EPHB1: variants seen among roughly 807,000 people sequenced by gnomAD.
EPHB1 encodes ephrin type-B receptor 1.
A neutral mutation model predicts 94.4 loss-of-function variants in EPHB1; 30 were observed. That is an observed-to-expected ratio of 0.32 (90% CI 0.24 to 0.43). EPHB1 has a LOEUF of 0.43. Among genes scored for constraint, EPHB1 ranks in the 20% least tolerant of loss-of-function variants. The probability of loss-of-function intolerance (pLI) is 1.00; values close to 1 mark genes in which losing one functional copy is unlikely to be tolerated. For synonymous variants in EPHB1, 522 were observed against 489.1 expected (o/e 1.07, Z -0.89); for missense variants, 1,055 against 1,308.3 (o/e 0.81, Z 2.99).
At chr3:135,021,083 T>C (rs3889902) in intron 3 of EPHB1, among the ~76,000 whole-genome samples, 37,917 of 152,152 alleles carry the variant, frequency 0.25, 6,342 homozygotes, top group East Asian at 0.71. Context: ...TTCTAACAGT[T>C]GTAAACTAAG....
At chr3:134,826,761 C>T (rs376116756) in intron 1 of EPHB1, among the ~76,000 whole-genome samples, 54 of 152,120 alleles carry the variant, frequency 3.5e-4, no homozygotes, top group African/African-American at 1.2e-3. Context: ...ATTCTTGTCC[C>T]GTTCCCGAGG....
intron 3 of EPHB1, among the ~76,000 whole-genome samples, chr3:134,955,837 G>T (rs1405866784): frequency 6.6e-6 from 1 of 152,152 alleles, no homozygotes; most frequent in Middle Eastern, 3.2e-3. Context: ...TAATTACTAG[G>T]AAAATGCCCC....
intron 1 of EPHB1, among the ~76,000 whole-genome samples, chr3:134,876,605 A>G (rs1015505752): frequency 1.3e-5 from 2 of 152,100 alleles, no homozygotes; most frequent in African/African-American, 2.4e-5. Context: ...GAGACAGTAC[A>G]TGTCTTCATA....
intron 5 of EPHB1, among the ~76,000 whole-genome samples, chr3:135,144,886 T>G (rs919991539): frequency 6.6e-6 from 1 of 152,044 alleles, no homozygotes; most frequent in African/African-American, 2.4e-5. Flanking sequence ...AGGAGGAAGA[T>G]AGGAAGGGAA....
At chr3:134,840,100 C>G (rs2036749023) in intron 1 of EPHB1, among the ~76,000 whole-genome samples, 2 of 152,196 alleles carry the variant, frequency 1.3e-5, no homozygotes, top group Non-Finnish European at 2.9e-5. Context: ...ACTTGTATTC[C>G]TCCTTGAATC....
chr3:135,167,451 G>A (rs1941682305), intron 9 of EPHB1, among the ~76,000 whole-genome samples: 2 of 152,204 alleles, frequency 1.3e-5, no homozygotes, highest in African/African-American at 4.8e-5. Context: ...AAAGATAGCA[G>A]AGCCCAAGAG....
intron 12 of EPHB1, among the ~76,000 whole-genome samples, chr3:135,214,676 G>C (rs1324322912): frequency 1.3e-5 from 2 of 152,170 alleles, no homozygotes; most frequent in African/African-American, 4.8e-5. Context: ...TGTCTCAGCT[G>C]CAGCCTCCAT....
rs564885584 is a variant in EPHB1 at position 135,039,783 on chromosome 3, G to T, written c.806-66665G>T. On this transcript the variant is annotated intron_variant, in intron 3 of 15. Transcript: ENST00000398015. ...TCAAGCTGGCCCGCAAGCGCCGCACGCAGCCCCGGTTCCCGCTCGTGCCTC... is the reference window on the plus strand; with the variant it reads ...TCAAGCTGGCCCGCAAGCGCCGCACTCAGCCCCGGTTCCCGCTCGTGCCTC... Among the ~76,000 whole-genome samples, 116 of 152,304 alleles carry T rather than the reference G, an allele frequency of 7.6e-4. 1 individual carries two copies. Among genetic ancestry groups the T allele is most frequent in the Non-Finnish European group, 1.2e-3 (85 of 68,014 alleles).
intron 2 of EPHB1, among the ~76,000 whole-genome samples, chr3:134,938,796 G>A (rs572280796): frequency 6.6e-6 from 1 of 152,126 alleles, no homozygotes; most frequent in Non-Finnish European, 1.5e-5. Flanking sequence ...TCACGAGATA[G>A]GTACTATTAG....
Position 135,068,285 on chromosome 3 carries a change from A to C in EPHB1, c.806-38163A>C, listed in dbSNP as rs138495830. 4.3e-3 allele frequency among the ~76,000 whole-genome samples: 656 copies of C among 152,322 alleles called. 4 individuals carry two copies. Among genetic ancestry groups the C allele is most frequent in the Middle Eastern group, 6.8e-3 (2 of 294 alleles). On this transcript the variant is annotated intron_variant, in intron 3 of 15. Transcript: ENST00000398015. The stretch of plus-strand genomic sequence containing the variant: ...TTTCAAAGTGGCTATACCATTTTAC[A>C]TTCCAGCAATGTATGAAGATTTAAT...
chr3:134,904,941 T>C (rs145057505), intron 1 of EPHB1, among the ~76,000 whole-genome samples: 269 of 152,332 alleles, frequency 1.8e-3, no homozygotes, highest in African/African-American at 6.4e-3. Flanking sequence ...GAGCGGGCTT[T>C]GCACCAGGTG....
chr3:135,201,803 C>T (rs1255313228), intron 12 of EPHB1, 114 bp downstream of exon 12: 24 of 1,029,130 alleles, frequency 2.3e-5, no homozygotes, highest in Non-Finnish European at 3.3e-5. Flanking sequence ...GAACTGAGCT[C>T]TCCACTGAAA....
Position 134,986,752 on chromosome 3 carries a change from C to T in EPHB1, c.805+34700C>T, listed in dbSNP as rs189819997. Among the ~76,000 whole-genome samples the T allele has an allele frequency of 7.9e-3, 900 of 114,262 alleles. 8 individuals carry two copies. The highest frequency in any genetic ancestry group is 0.024 in the African/African-American group (865 of 36,654). The allele number at this position is 114,262 out of a possible 152,430, so 75.0% of individuals were successfully genotyped here. On this transcript the variant is annotated intron_variant, in intron 3 of 15. Transcript: ENST00000398015. ...CACACACACACACACACATCCCAAA[C>T]AAAAACAAGAGACCTATTTTCCATC...
Position 135,248,600 on chromosome 3 carries a change from T to C in EPHB1, c.2690+91T>C. 5 of 1,352,364 alleles carry C rather than the reference T, an allele frequency of 3.7e-6. 1 individual carries two copies. In the South Asian group the frequency reaches 7.7e-5, roughly 21 times the overall value. 83.8% of individuals were successfully genotyped at this position (1,352,364 alleles called of 1,614,324 possible). A position where few individuals can be genotyped will look rare whatever the true frequency, so the allele number is the denominator to read the frequency against. ...CCTCTGACCATGATCATGTTCGAAT[T>C]TTTTAAAGAGTATCTAGTTGCAGTG... On this transcript the variant is annotated intron_variant, in intron 14 of 15. Coordinates refer to ENST00000398015, the MANE Select transcript of EPHB1 (RefSeq NM_004441.5).
intron 1 of EPHB1, among the ~76,000 whole-genome samples, chr3:134,830,036 G>C (rs979021772): frequency 6.6e-6 from 1 of 152,226 alleles, no homozygotes; most frequent in Non-Finnish European, 1.5e-5. Context: ...TCTCTGTTGT[G>C]AAAGTCACCA....
intron 12 of EPHB1, among the ~76,000 whole-genome samples, chr3:135,206,648 G>A (rs550817593): frequency 2.9e-4 from 44 of 152,282 alleles, no homozygotes; most frequent in Non-Finnish European, 5.7e-4. Context: ...TCACGAGTTC[G>A]AGACCAGCCT....
intron 3 of EPHB1, among the ~76,000 whole-genome samples, chr3:135,084,082 G>A (rs1301770337): frequency 6.6e-6 from 1 of 152,064 alleles, no homozygotes; most frequent in Non-Finnish European, 1.5e-5. Context: ...TTAGCTCAGG[G>A]ATATGCCAAG....
intron 1 of EPHB1, among the ~76,000 whole-genome samples, chr3:134,864,973 C>T (rs983531398): frequency 2.6e-5 from 4 of 152,126 alleles, no homozygotes; most frequent in East Asian, 1.9e-4. Flanking sequence ...GAATGTTCCA[C>T]GAAGAATTTC....
At chr3:135,118,692 G>C (rs916690027) in intron 4 of EPHB1, among the ~76,000 whole-genome samples, 3 of 152,168 alleles carry the variant, frequency 2.0e-5, no homozygotes, top group Non-Finnish European at 4.4e-5. Context: ...TTGTTGATTA[G>C]AACTAGTTAT....
Sources: allele counts gnomAD v4.1 joint callset (sites outside exome capture counted in the v4.1 genomes callset), GRCh38; gene constraint gnomAD v4.1.1; transcripts MANE v1.5; gene names NCBI Gene and HGNC (gene_info 2026-07-23, HGNC 2026-07-21).